The following CLSTN2 variants were observed in gnomAD, a reference collection of about 807,000 sequenced individuals.
CLSTN2 encodes calsyntenin-2.
CLSTN2 carries 48 observed loss-of-function variants against 101.2 expected under a neutral mutation model. The observed-to-expected ratio is 0.47, with a 90% CI of 0.38 to 0.60. The LOEUF (loss-of-function observed/expected upper bound fraction) is 0.60. Ranked by LOEUF, CLSTN2 falls within the 20% of genes least tolerant of loss-of-function variation. The pLI, the probability that CLSTN2 is intolerant of heterozygous loss-of-function variation, is 0.00. For missense variants in CLSTN2, 1,160 were observed against 1,238.2 expected (o/e 0.94, Z 0.95); for synonymous variants, 481 against 463.6 (o/e 1.04, Z -0.48).
chr3:140,316,351 G>A (rs1186372184), intron 2 of CLSTN2, among the ~76,000 whole-genome samples: 3 of 152,208 alleles, frequency 2.0e-5, no homozygotes, highest in African/African-American at 4.8e-5. Flanking sequence ...GAGCTTAGGT[G>A]AGCCTTGGAT....
chr3:139,996,732 A>G (rs889182233), intron 1 of CLSTN2, among the ~76,000 whole-genome samples: 1 of 152,092 alleles, frequency 6.6e-6, no homozygotes, highest in African/African-American at 2.4e-5. Context: ...TACTAGCTAT[A>G]AGTGTTTAAT....
At chr3:140,036,955 A>T (rs1347222923) in intron 1 of CLSTN2, among the ~76,000 whole-genome samples, 4 of 152,088 alleles carry the variant, frequency 2.6e-5, no homozygotes, top group Admixed American at 6.6e-5. Context: ...AGAAATACAT[A>T]AAAAAATTAA....
intron 1 of CLSTN2, among the ~76,000 whole-genome samples, chr3:139,999,030 G>A (rs1239998055): frequency 2.6e-5 from 4 of 151,610 alleles, no homozygotes; most frequent in Admixed American, 6.6e-5. Context: ...ACCCCATTAT[G>A]TTTGCCTGTC....
chr3:140,393,081 G>A (rs557165783), intron 2 of CLSTN2, among the ~76,000 whole-genome samples: 10 of 152,156 alleles, frequency 6.6e-5, no homozygotes, highest in South Asian at 2.1e-4. Flanking sequence ...GAGCCCTCCC[G>A]ACCCAATCAC....
At chr3:140,095,344 G>C (rs997055027) in intron 1 of CLSTN2, among the ~76,000 whole-genome samples, 1 of 152,170 alleles carries the variant, frequency 6.6e-6, no homozygotes, top group Non-Finnish European at 1.5e-5. Context: ...AGTGGGTATG[G>C]CCCTCCTTTA....
At chr3:140,466,970 C>G (rs982718461) in intron 8 of CLSTN2, among the ~76,000 whole-genome samples, 1 of 152,208 alleles carries the variant, frequency 6.6e-6, no homozygotes, top group Non-Finnish European at 1.5e-5. Context: ...GTCACTGGAC[C>G]TGTCATGTGC....
At chr3:140,323,431 A>T (rs1298386735) in intron 2 of CLSTN2, among the ~76,000 whole-genome samples, 1 of 152,250 alleles carries the variant, frequency 6.6e-6, no homozygotes, top group Non-Finnish European at 1.5e-5. Context: ...ACACATGCAC[A>T]TCTCAACAAA....
In CLSTN2 at chr3:140,212,358, C is replaced by T. The variant is rs185927859; in HGVS notation, c.232+36285C>T. Among the ~76,000 whole-genome samples the T allele has an allele frequency of 5.4e-4, 82 of 152,256 alleles. 1 individual carries two copies. The East Asian group carries it at 0.013, about 24-fold the overall frequency. ...AGTGTCCTGTGCAAGAATGGAAAAT[C>T]GGTTTGGGGTAACATTTTTCATTTG... On this transcript the variant is annotated intron_variant, in intron 2 of 16. Coordinates refer to ENST00000458420, the MANE Select transcript of CLSTN2 (RefSeq NM_022131.3).
At chr3:140,558,302 T>G (rs184502473) in intron 11 of CLSTN2, among the ~76,000 whole-genome samples, 25 of 152,366 alleles carry the variant, frequency 1.6e-4, no homozygotes, top group Admixed American at 1.3e-3. Flanking sequence ...GACAACAATT[T>G]GCTTACCAAA....
chr3:140,286,349 G>T (rs1157413485), intron 2 of CLSTN2, among the ~76,000 whole-genome samples: 1 of 152,182 alleles, frequency 6.6e-6, no homozygotes. Flanking sequence ...CCACAAATCA[G>T]TTAAGTGTTT....
At position 140,030,865 on chromosome 3, in the gene CLSTN2, G is replaced by A. The variant is rs142101851; in HGVS notation, c.109+95382G>A. Among the ~76,000 whole-genome samples the A allele has an allele frequency of 1.9e-4, 29 of 152,300 alleles. No homozygotes were observed. The East Asian group carries it at 4.8e-3, about 25-fold the overall frequency. On this transcript the variant is annotated intron_variant, in intron 1 of 16. Transcript: ENST00000458420. ...CGCCTTGAATTCCCTTTGGTGGGAC[G>A]CATTATTAAAATCAGAGAAATTGTG...
In CLSTN2 at chr3:140,572,029, G is replaced by A; in HGVS notation, c.*5776G>A. The stretch of plus-strand genomic sequence containing the variant: ...TGCCAGCAACAGGGGAAGGGAGGAT[G>A]AACAAGGCATGTTTCCCTGACCATG... On this transcript the variant is annotated 3_prime_UTR_variant, in exon 17 of 17. Transcript: ENST00000458420. The A allele has an allele frequency of 6.6e-6, 1 of 152,468 alleles. No individual in the cohort carries two copies. The highest frequency in any genetic ancestry group is 1.5e-5 in the Non-Finnish European group (1 of 68,134). The allele number at this position is 152,468 out of a possible 1,614,324, so 9.4% of individuals were successfully genotyped here. A position where few individuals can be genotyped will look rare whatever the true frequency, so the allele number is the denominator to read the frequency against.
chr3:140,517,988 C>A (rs964588924), intron 8 of CLSTN2, among the ~76,000 whole-genome samples: 1 of 152,042 alleles, frequency 6.6e-6, no homozygotes, highest in Non-Finnish European at 1.5e-5. Flanking sequence ...TCCGTGGATG[C>A]GGCTTGCTGT....
chr3:140,141,915 A>G (rs2009706004), intron 1 of CLSTN2, among the ~76,000 whole-genome samples: 1 of 152,214 alleles, frequency 6.6e-6, no homozygotes, highest in South Asian at 2.1e-4. Context: ...TTACCCCAGA[A>G]GGGGTCTTGT....
chr3:140,536,314 A>T (rs1433821456), intron 9 of CLSTN2, among the ~76,000 whole-genome samples: 2 of 151,894 alleles, frequency 1.3e-5, no homozygotes, highest in African/African-American at 4.8e-5. Context: ...TGCTTGAATG[A>T]TTGTGTAAAT....
chr3:139,966,149 T>G (rs190179654), intron 1 of CLSTN2, among the ~76,000 whole-genome samples: 2 of 152,192 alleles, frequency 1.3e-5, no homozygotes, highest in East Asian at 3.9e-4. Flanking sequence ...TCCAAGTAGG[T>G]CTTAGCTGTG....
intron 2 of CLSTN2, among the ~76,000 whole-genome samples, chr3:140,226,833 G>A (rs1287283928): frequency 1.3e-5 from 2 of 152,132 alleles, no homozygotes; most frequent in Non-Finnish European, 2.9e-5. Flanking sequence ...GCAGCAAAGG[G>A]AGAGTTTGTG....
intron 1 of CLSTN2, among the ~76,000 whole-genome samples, chr3:140,106,796 A>G (rs1429262008): frequency 6.6e-6 from 1 of 152,392 alleles, no homozygotes; most frequent in East Asian, 1.9e-4. Context: ...TTAGAATACT[A>G]TTAAGAAAAA....
chr3:140,538,162 C>A (rs1203851590), intron 9 of CLSTN2, among the ~76,000 whole-genome samples: 1 of 100,520 alleles, frequency 9.9e-6, no homozygotes, highest in Non-Finnish European at 1.8e-5. Flanking sequence ...ACCTGTGACT[C>A]CACTCTAGTG....
Sources: allele counts gnomAD v4.1 joint callset (sites outside exome capture counted in the v4.1 genomes callset), GRCh38; gene constraint gnomAD v4.1.1; transcripts MANE v1.5; gene names NCBI Gene and HGNC (gene_info 2026-07-23, HGNC 2026-07-21).